DMD: variants seen among roughly 807,000 people sequenced by gnomAD.
DMD encodes dystrophin.
In DMD, 63 loss-of-function variants were observed where a neutral mutation model predicts 330.1. The observed-to-expected ratio is 0.19, with a 90% confidence interval of 0.16 to 0.24. DMD has a LOEUF of 0.24. Among genes scored for constraint, DMD ranks in the 10% least tolerant of loss-of-function variants. The pLI is 1.00. For missense variants in DMD, 3,344 were observed against 2,684.1 expected (o/e 1.25, Z -5.43); for synonymous variants, 1,223 against 959.8 (o/e 1.27, Z -5.07).
chrX:31,397,985 G>A (rs1419618121), intron 60 of DMD, among the ~76,000 whole-genome samples: 1 of 112,394 alleles, frequency 8.9e-6, no homozygotes, highest in African/African-American at 3.2e-5. Flanking sequence ...CTTGCGTAAG[G>A]GAGAGCAAAT....
At chrX:31,564,544 A>T (rs1348446966) in intron 55 of DMD, among the ~76,000 whole-genome samples, 1 of 112,109 alleles carries the variant, frequency 8.9e-6, no homozygotes, top group Non-Finnish European at 1.9e-5. Flanking sequence ...TAGGAGAAAT[A>T]ATTTTTATTT....
chrX:32,895,074 G>A (rs1347102870), intron 2 of DMD, among the ~76,000 whole-genome samples: 3 of 112,227 alleles, frequency 2.7e-5, no homozygotes. Context: ...CAAAGCAAGA[G>A]CAAGCTCTCT....
intron 1 of DMD, among the ~76,000 whole-genome samples, chrX:33,235,922 T>TATTATTATTATTA (rs1569559007): frequency 2.9e-4 from 30 of 104,891 alleles, no homozygotes; most frequent in African/African-American, 1.1e-3. Context: ...TATTATTTTT[T>TATTATTATTATTA]TTTTTTTTTA....
chrX:33,252,939 G>A (rs1288323984), intron 1 of DMD, among the ~76,000 whole-genome samples: 1 of 111,237 alleles, frequency 9.0e-6, no homozygotes, highest in Admixed American at 9.6e-5. Flanking sequence ...ATTTTTTCTT[G>A]ATTCACTTTA....
chrX:32,949,177 G>C (rs1350830676), intron 2 of DMD, among the ~76,000 whole-genome samples: 2 of 107,500 alleles, frequency 1.9e-5, no homozygotes, highest in Non-Finnish European at 3.8e-5. Context: ...AAACCTAGAG[G>C]TAAAGTGTAT....
intron 48 of DMD, among the ~76,000 whole-genome samples, chrX:31,838,586 G>A (rs1289348620): frequency 1.8e-5 from 2 of 112,017 alleles, no homozygotes; most frequent in Admixed American, 9.5e-5. Flanking sequence ...CTTTTCTTGT[G>A]ATAGTTATTG....
intron 47 of DMD, among the ~76,000 whole-genome samples, chrX:31,887,720 T>C (rs2094176190): frequency 8.9e-6 from 1 of 111,952 alleles, no homozygotes; most frequent in Non-Finnish European, 1.9e-5. Context: ...CAGTTATTAC[T>C]TTTTTCTTTA....
chrX:32,490,080 T>A lies in DMD; in HGVS notation c.2622+1197A>T, dbSNP rs146247054. 4.3e-3 allele frequency among the ~76,000 whole-genome samples: 485 copies of A among 112,076 alleles called. 2 individuals are homozygous for A. The highest frequency in any genetic ancestry group is 0.015 in the African/African-American group (458 of 30,908). ...TTTTTCTCTTCAAAATAGCTTTGAATTTCTCATCACTTTTTGGGTCCAATA... is the reference window on the plus strand; with the variant it reads ...TTTTTCTCTTCAAAATAGCTTTGAAATTCTCATCACTTTTTGGGTCCAATA... On this transcript the variant is annotated intron_variant, in intron 20 of 78. Coordinates refer to ENST00000357033, the MANE Select transcript of DMD (RefSeq NM_004006.3).
rs201451961 is a variant in DMD, at chrX:33,284,470, G to A, written c.7+54789C>T. On this transcript the variant is annotated intron_variant, in intron 1 of 17. Transcript: ENST00000288447. ...AAAAATACTTAACTTTTTAAGACAG[G>A]TGAATAGAAGGAAATTTTTGCTGAG... 1.4e-4 allele frequency among the ~76,000 whole-genome samples: 15 copies of A among 109,841 alleles called. No homozygotes were observed. In the East Asian group the frequency reaches 4.4e-3, roughly 32 times the overall value.
chrX:32,623,682 T>C (rs953135491), intron 11 of DMD, among the ~76,000 whole-genome samples: 6 of 109,689 alleles, frequency 5.5e-5, no homozygotes, highest in Admixed American at 9.7e-5. Context: ...TGCACCACCT[T>C]CCCTGGCAAA....
At chrX:32,196,748 G>A (rs1226313097) in intron 44 of DMD, among the ~76,000 whole-genome samples, 9 of 110,376 alleles carry the variant, frequency 8.2e-5, no homozygotes, top group African/African-American at 2.0e-4. Context: ...CACTTTGGGA[G>A]GCCAAGGTGG....
intron 44 of DMD, among the ~76,000 whole-genome samples, chrX:31,980,443 T>C (rs2095468958): frequency 8.9e-6 from 1 of 112,255 alleles, no homozygotes; most frequent in Admixed American, 9.4e-5. Flanking sequence ...TTGTATGATT[T>C]CATTTATACA....
intron 37 of DMD, among the ~76,000 whole-genome samples, chrX:32,355,576 T>C (rs2097796222): frequency 8.9e-6 from 1 of 111,783 alleles, no homozygotes; most frequent in African/African-American, 3.2e-5. Flanking sequence ...TTTAAAAATA[T>C]TTTACATGGT....
At chrX:33,065,854 G>A (rs1485504680) in intron 1 of DMD, among the ~76,000 whole-genome samples, 1 of 111,953 alleles carries the variant, frequency 8.9e-6, no homozygotes, top group Non-Finnish European at 1.9e-5. Flanking sequence ...TCGACCTGGT[G>A]TAAAATTCCT....
intron 7 of DMD, among the ~76,000 whole-genome samples, chrX:32,782,046 A>T (rs1189594248): frequency 4.5e-5 from 5 of 111,898 alleles, no homozygotes; most frequent in African/African-American, 1.3e-4. Flanking sequence ...GCATTTAAAT[A>T]TGAAATAGTA....
intron 2 of DMD, among the ~76,000 whole-genome samples, chrX:32,992,540 G>A (rs994402475): frequency 9.0e-6 from 1 of 111,698 alleles, no homozygotes; most frequent in Non-Finnish European, 1.9e-5. Flanking sequence ...CAGGTTTTCT[G>A]AGGTAAGAAT....
At chrX:31,400,986 G>A (rs1367781311) in intron 60 of DMD, among the ~76,000 whole-genome samples, 1 of 111,691 alleles carries the variant, frequency 9.0e-6, no homozygotes, top group Non-Finnish European at 1.9e-5. Context: ...TAAAGACTTT[G>A]AAACAACCAG....
intron 15 of DMD, among the ~76,000 whole-genome samples, chrX:32,568,867 G>A (rs1218406032): frequency 1.8e-5 from 2 of 111,981 alleles, no homozygotes; most frequent in African/African-American, 6.5e-5. Flanking sequence ...ATCCATTGAT[G>A]CTGATTCTTT....
In DMD at chrX:31,388,333, C is replaced by T. The variant is rs2060547402; in HGVS notation, c.9085-39699G>A. On this transcript the variant is annotated intron_variant, in intron 60 of 78. Transcript: ENST00000357033. ...TCTGTCTTCTTTACAAGAATGTAAG[C>T]TCTCCTGAGGGCAGGGGTTTTGTCT... Among the ~76,000 whole-genome samples the T allele has an allele frequency of 2.7e-5, 3 of 110,792 alleles. No individual in the cohort carries two copies. In the South Asian group the frequency reaches 1.2e-3, roughly 43 times the overall value.
Sources: gnomAD v4.1 joint callset for allele counts (sites outside exome capture counted in the v4.1 genomes callset) on GRCh38, gnomAD v4.1.1 for gene constraint, MANE v1.5 for transcripts, NCBI Gene and HGNC (gene_info 2026-07-23, HGNC 2026-07-21) for gene names.